Variants in MARCHF11 observed in about 807,000 individuals in gnomAD.
MARCHF11 encodes the protein E3 ubiquitin-protein ligase MARCHF11.
Under a neutral mutation model 37.3 loss-of-function variants are expected in MARCHF11, and 29 were observed. The observed-to-expected ratio is 0.78, with a 90% CI of 0.58 to 1.06. MARCHF11 has a LOEUF of 1.06. Ranked by LOEUF, MARCHF11 falls within the 50% of genes least tolerant of loss-of-function variation. The pLI, the probability that MARCHF11 is intolerant of heterozygous loss-of-function variation, is 0.00. For synonymous variants in MARCHF11, 233 were observed against 228.0 expected (o/e 1.02, Z -0.20); for missense variants, 482 against 533.4 (o/e 0.90, Z 0.95).
At chr5:16,151,423 T>C (rs913256222) in intron 2 of MARCHF11, among the ~76,000 whole-genome samples, 8 of 151,916 alleles carry the variant, frequency 5.3e-5, no homozygotes, top group Non-Finnish European at 7.4e-5. Context: ...GTTGCACATT[T>C]TATACTCACA....
At chr5:16,166,209 T>A (rs1007792373) in intron 2 of MARCHF11, among the ~76,000 whole-genome samples, 2 of 152,074 alleles carry the variant, frequency 1.3e-5, no homozygotes, top group East Asian at 3.9e-4. Flanking sequence ...CTTTACAATC[T>A]GGCACTACAA....
intron 3 of MARCHF11, among the ~76,000 whole-genome samples, chr5:16,069,644 A>C (rs1370670135): frequency 1.3e-5 from 2 of 152,182 alleles, no homozygotes; most frequent in African/African-American, 4.8e-5. Context: ...AAATAAAGTA[A>C]TAAATTCCCA....
At chr5:16,111,925 C>G (rs1031401612) in intron 2 of MARCHF11, among the ~76,000 whole-genome samples, 1 of 152,220 alleles carries the variant, frequency 6.6e-6, no homozygotes, top group Non-Finnish European at 1.5e-5. Flanking sequence ...TGGGCCATGG[C>G]TTCAGAGGGT....
At chr5:16,130,521 G>T (rs1235297595) in intron 2 of MARCHF11, among the ~76,000 whole-genome samples, 1 of 152,122 alleles carries the variant, frequency 6.6e-6, no homozygotes, top group African/African-American at 2.4e-5. Flanking sequence ...ACTGCAGGGT[G>T]CTACTAAATA....
chr5:16,150,411 T>C (rs558232437), intron 2 of MARCHF11, among the ~76,000 whole-genome samples: 1 of 149,148 alleles, frequency 6.7e-6, no homozygotes, highest in South Asian at 2.1e-4. Context: ...CTTAGAAACA[T>C]AGTATGTGGT....
At chr5:16,080,771 A>T (rs1736595246) in intron 3 of MARCHF11, among the ~76,000 whole-genome samples, 1 of 152,126 alleles carries the variant, frequency 6.6e-6, no homozygotes, top group South Asian at 2.1e-4. Flanking sequence ...ATGCAGGCCT[A>T]ATCAATTGCC....
chr5:16,156,564 C>T (rs957693382), intron 2 of MARCHF11, among the ~76,000 whole-genome samples: 2 of 151,778 alleles, frequency 1.3e-5, no homozygotes, highest in African/African-American at 2.4e-5. Context: ...CATGTCTTTC[C>T]TCACTCTCAA....
At chr5:16,095,837 C>A (rs943435549) in intron 2 of MARCHF11, among the ~76,000 whole-genome samples, 3 of 152,124 alleles carry the variant, frequency 2.0e-5, no homozygotes, top group Non-Finnish European at 4.4e-5. Flanking sequence ...GCAAGTTTCC[C>A]GGTGGCAGAA....
Position 16,116,969 on chromosome 5 carries a change from T to C in MARCHF11, c.694-25888A>G, listed in dbSNP as rs188118570. On this transcript the variant is annotated intron_variant, in intron 2 of 3. Transcript: ENST00000332432. ...ATGAGACATTTCAAAAGGACAGAGA[T>C]AATGGGAGGGAATTTAACACTAATA... 3.0e-3 allele frequency among the ~76,000 whole-genome samples: 453 copies of C among 152,184 alleles called. 6 individuals are homozygous for C. The highest frequency in any genetic ancestry group is 9.9e-3 in the African/African-American group (410 of 41,518).
intron 2 of MARCHF11, among the ~76,000 whole-genome samples, chr5:16,128,338 G>C (rs1303429702): frequency 4.6e-5 from 7 of 152,096 alleles, no homozygotes; most frequent in Non-Finnish European, 8.8e-5. Flanking sequence ...CATATCTCTG[G>C]AGGTAAAAGG....
intron 3 of MARCHF11, among the ~76,000 whole-genome samples, chr5:16,079,911 T>C (rs1018395632): frequency 6.6e-6 from 1 of 152,182 alleles, no homozygotes; most frequent in Non-Finnish European, 1.5e-5. Context: ...TGCTGGGCTC[T>C]CGTCTCTTCA....
At chr5:16,086,606 A>T (rs2126553836) in intron 3 of MARCHF11, among the ~76,000 whole-genome samples, 1 of 152,294 alleles carries the variant, frequency 6.6e-6, no homozygotes, top group South Asian at 2.1e-4. Context: ...CTATTTTGCA[A>T]ATACCACTGA....
At chr5:16,137,130 A>G (rs1244521471) in intron 2 of MARCHF11, among the ~76,000 whole-genome samples, 4 of 152,202 alleles carry the variant, frequency 2.6e-5, no homozygotes, top group Non-Finnish European at 1.5e-5. Context: ...ACTCAGAAGA[A>G]AAAGGCCCGT....
chr5:16,091,029 A>T lies in MARCHF11; in HGVS notation c.746T>A (p.Ile249Asn). Reference sequence around the variant, plus strand: ...GGCTATTAAGAACAGGGATCCTAGGATTACAGCAATCATCTGAACTTTCTC... The same window carrying T: ...GGCTATTAAGAACAGGGATCCTAGGTTTACAGCAATCATCTGAACTTTCTC... Reference protein sequence around the residue: ...LVEKVQMIAVILGSLFLIASV... With the variant: ...LVEKVQMIAVNLGSLFLIASV... The change falls in exon 3 of 4, where the codon ATC becomes AAC. Residue 249 changes from isoleucine (I) to asparagine (N), a missense_variant. Ile to Asn is a moderately radical substitution (Grantham distance 149, BLOSUM62 -3). Coordinates refer to ENST00000332432, the MANE Select transcript of MARCHF11 (RefSeq NM_001102562.3). The T allele has an allele frequency of 6.2e-7, 1 of 1,607,786 alleles. No individual in the cohort carries two copies. The highest frequency in any genetic ancestry group is 2.2e-5 in the East Asian group (1 of 44,758).
chr5:16,138,976 TG>T (rs1364614192), intron 2 of MARCHF11, among the ~76,000 whole-genome samples: 1 of 152,220 alleles, frequency 6.6e-6, no homozygotes, highest in African/African-American at 2.4e-5. Context: ...AGAATGGACT[TG>T]CCTTGTCATG....
At chr5:16,134,878 A>C (rs895095162) in intron 2 of MARCHF11, among the ~76,000 whole-genome samples, 1 of 152,174 alleles carries the variant, frequency 6.6e-6, no homozygotes, top group Non-Finnish European at 1.5e-5. Flanking sequence ...AAACATGAGT[A>C]CAATTCAATA....
chr5:16,120,628 T>G (rs12658225), intron 2 of MARCHF11, among the ~76,000 whole-genome samples: 1 of 152,128 alleles, frequency 6.6e-6, no homozygotes. Context: ...TTCCCTGGGG[T>G]AGACTGCAAA....
chr5:16,157,406 C>G (rs748725061), intron 2 of MARCHF11, among the ~76,000 whole-genome samples: 13 of 151,850 alleles, frequency 8.6e-5, no homozygotes, highest in Non-Finnish European at 1.6e-4. Context: ...GAAAAAAGAA[C>G]AAAGCTAGAG....
intron 2 of MARCHF11, among the ~76,000 whole-genome samples, chr5:16,158,834 G>A (rs573051356): frequency 3.3e-5 from 5 of 151,836 alleles, no homozygotes; most frequent in Admixed American, 6.6e-5. Flanking sequence ...GCATGCATTC[G>A]TTATTTTTCC....
Sources: gnomAD v4.1 joint callset for allele counts (sites outside exome capture counted in the v4.1 genomes callset) on GRCh38, gnomAD v4.1.1 for gene constraint, MANE v1.5 for transcripts, NCBI Gene and HGNC (gene_info 2026-07-23, HGNC 2026-07-21) for gene names.